The following KCNH2 variants were observed in gnomAD, a reference collection of about 807,000 sequenced individuals.
The protein encoded by KCNH2 is potassium voltage-gated channel subfamily H member 2.
KCNH2 carries 35 observed loss-of-function variants against 95.9 expected under a neutral mutation model. The ratio of observed to expected loss-of-function variants is 0.37; its 90% CI spans 0.28 to 0.48. The LOEUF is 0.48. KCNH2 is among the 20% of genes least tolerant of loss of function. KCNH2 has a pLI of 0.99. For synonymous variants in KCNH2, 786 were observed against 754.7 expected (o/e 1.04, Z -0.68); for missense variants, 1,274 against 1,702.9 (o/e 0.75, Z 4.43).
chr7:150,955,780 C>T (rs892889679), intron 5 of KCNH2: 45 of 1,201,816 alleles, frequency 3.7e-5, no homozygotes, highest in Non-Finnish European at 4.0e-5. Context: ...TCTGCCCGCC[C>T]GCCAGCCCAG....
Position 150,960,494 on chromosome 7 carries a change from A to G in KCNH2, c.308-758T>C, listed in dbSNP as rs188374708. ...TACTATCTGTCTCTCTGTTCTCTCT[A>G]GATTAGCACCAGCCGTTGTGTCAGC... On this transcript the variant is annotated intron_variant, in intron 2 of 14. Coordinates refer to ENST00000262186, the MANE Select transcript of KCNH2 (RefSeq NM_000238.4). Among the ~76,000 whole-genome samples, 23 of 152,314 alleles carry G rather than the reference A, an allele frequency of 1.5e-4. 1 individual carries two copies. The East Asian group carries it at 4.1e-3, about 27-fold the overall frequency.
At chr7:150,950,468 C>G in intron 8 of KCNH2, 48 bp from the exon 9 acceptor site, 1 of 1,600,296 alleles carries the variant, frequency 6.2e-7, no homozygotes. Flanking sequence ...TTGGGACCCC[C>G]CAACCCACAC....
chr7:150,969,098 AG>A lies in KCNH2; in HGVS notation c.307+5612del, dbSNP rs1428273877. On this transcript the variant is annotated intron_variant, in intron 2 of 14. Coordinates refer to ENST00000262186, the MANE Select transcript of KCNH2 (RefSeq NM_000238.4). ...GGCCCTGAGCCCATCATGCCCCAGAAGGGCTCTCTGGGGGCAAGAGAGCTGG... is the reference window on the plus strand; with the variant it reads ...GGCCCTGAGCCCATCATGCCCCAGAAGGCTCTCTGGGGGCAAGAGAGCTGG... Among the ~76,000 whole-genome samples the A allele has an allele frequency of 3.9e-5, 6 of 152,134 alleles. No homozygotes were observed. In the East Asian group the frequency reaches 1.2e-3, roughly 29 times the overall value.
rs748706373 is a variant in KCNH2 at position 150,947,610 on chromosome 7, CAG to C, written c.2959_2960del (p.Leu987ValfsTer131). On this transcript the variant is annotated frameshift_variant, in exon 12 of 15. Coordinates refer to ENST00000262186, the MANE Select transcript of KCNH2 (RefSeq NM_000238.4). LOFTEE classifies it high-confidence loss of function. ...CEKSSDTCNP[L>X]SGAFSGVSNI... ...CCCGCCCGTCGCCCGGGATACCTGA[CAG>C]GGGGTTGCAAGTGTCGCTGCTCTTC... The C allele has an allele frequency of 6.2e-7, 1 of 1,612,780 alleles. No homozygotes were observed. Among genetic ancestry groups the C allele is most frequent in the Non-Finnish European group, 8.5e-7 (1 of 1,179,548 alleles).
chr7:150,953,247 A>G (rs1264307866), intron 5 of KCNH2, among the ~76,000 whole-genome samples: 3 of 152,184 alleles, frequency 2.0e-5, no homozygotes, highest in Non-Finnish European at 4.4e-5. Context: ...TCCAAGGACA[A>G]CAGCTCCCAA....
At chr7:150,965,570 C>A (rs2117032700) in intron 2 of KCNH2, among the ~76,000 whole-genome samples, 1 of 152,296 alleles carries the variant, frequency 6.6e-6, no homozygotes, top group Non-Finnish European at 1.5e-5. Context: ...TTCCCTCCTG[C>A]TCCCCATGGC....
chr7:150,950,436 G>A lies in KCNH2; in HGVS notation c.2146-16C>T, dbSNP rs375568514. On this transcript the variant is annotated splice_polypyrimidine_tract_variant and intron_variant, in intron 8 of 14. Transcript: ENST00000262186. ...CCTTCAGCACCTGGGGGCAGGGTGG[G>A]GGCAGCTCAGCACACCCTCCCTTGG... The A allele has an allele frequency of 3.6e-5, 58 of 1,609,982 alleles. No individual in the cohort carries two copies. Among genetic ancestry groups the A allele is most frequent in the Non-Finnish European group, 4.7e-5 (56 of 1,179,864 alleles).
chr7:150,947,833 G>T lies in KCNH2; in HGVS notation c.2738C>A (p.Ala913Glu). ...GEVSALGPGR[A>E]GAGPSSRGRP... ...GCCCCGGCTACTCGGCCCTGCCCCC[G>T]CCCGGCCCGGCCCCAAGGCCGACAC... Residue 913 changes from alanine to glutamate, a missense_variant, in exon 12 of 15, where the codon GCG (alanine) becomes GAG (glutamate). This residue lies in a region of KCNH2 where 457 missense variants were observed against 416.1 expected (regional missense o/e 1.10). Coordinates refer to ENST00000262186, the MANE Select transcript of KCNH2 (RefSeq NM_000238.4). 4 of 1,524,304 alleles carry T rather than the reference G, an allele frequency of 2.6e-6. No homozygotes were observed. The highest frequency in any genetic ancestry group is 3.5e-6 in the Non-Finnish European group (4 of 1,141,716). 94.4% of individuals were successfully genotyped at this position (1,524,304 alleles called of 1,614,324 possible). A position where few individuals can be genotyped will look rare whatever the true frequency, so the allele number is the denominator to read the frequency against.
intron 2 of KCNH2, among the ~76,000 whole-genome samples, chr7:150,969,156 G>A (rs1312402089): frequency 1.3e-5 from 2 of 152,206 alleles, no homozygotes; most frequent in Non-Finnish European, 2.9e-5. Context: ...GCAGGGAGGG[G>A]ACAGCTAGGC....
Position 150,974,868 on chromosome 7 carries a change from C to T in KCNH2, c.150G>A (p.Glu50=). 1 of 1,611,894 alleles carries T rather than the reference C, an allele frequency of 6.2e-7. No individual in the cohort carries two copies. Among genetic ancestry groups the T allele is most frequent in the Non-Finnish European group, 8.5e-7 (1 of 1,179,248 alleles). Residue 50 remains glutamate (E), a synonymous_variant, in exon 2 of 15, where the codon GAG becomes GAA. Transcript: ENST00000262186. ...AVIYCNDGFC[E]LCGYSRAEVM... ...CCTCGGCCCGCGAGTAGCCGCACAG[C>T]TCGCAGAAGCCGTCGTTGCAGTAGA...
intron 2 of KCNH2, among the ~76,000 whole-genome samples, chr7:150,970,050 G>A (rs971089919): frequency 3.9e-5 from 6 of 151,916 alleles, no homozygotes; most frequent in Non-Finnish European, 8.8e-5. Flanking sequence ...CACACTAAAG[G>A]GCTAAATACT....
At chr7:150,956,642 G>A (rs959759142) in intron 5 of KCNH2, among the ~76,000 whole-genome samples, 1 of 152,164 alleles carries the variant, frequency 6.6e-6, no homozygotes, top group African/African-American at 2.4e-5. Flanking sequence ...CAAGGCTGAG[G>A]GGTCTTCTCT....
chr7:150,945,132 C>T lies in KCNH2; in HGVS notation c.*233G>A. The T allele has an allele frequency of 1.7e-6, 1 of 573,570 alleles. No homozygotes were observed. The highest frequency in any genetic ancestry group is 3.1e-6 in the Non-Finnish European group (1 of 325,850). The allele number at this position is 573,570 out of a possible 1,614,324, so 35.5% of individuals were successfully genotyped here. A position where few individuals can be genotyped will look rare whatever the true frequency, so the allele number is the denominator to read the frequency against. On this transcript the variant is annotated 3_prime_UTR_variant, in exon 15 of 15. Coordinates refer to ENST00000262186, the MANE Select transcript of KCNH2 (RefSeq NM_000238.4). The surrounding 1 kb of genome is among the most constrained non-coding windows in gnomAD (Gnocchi z 5.6). ...GGGCAGTTAGACCAGCTAATGCCCTCAGGGCAGTGGGGGGACCACAGGCCC... is the reference window on the plus strand; with the variant it reads ...GGGCAGTTAGACCAGCTAATGCCCTTAGGGCAGTGGGGGGACCACAGGCCC...
intron 2 of KCNH2, among the ~76,000 whole-genome samples, chr7:150,967,228 G>A (rs1361860834): frequency 5.3e-5 from 8 of 152,110 alleles, no homozygotes; most frequent in African/African-American, 1.9e-4. Flanking sequence ...GCAGTGAGCC[G>A]AGATCATGCC....
Position 150,951,557 on chromosome 7 carries a change from C to G in KCNH2, c.1836G>C (p.Val612=), listed in dbSNP as rs1554425781. 1.2e-6 allele frequency: 2 copies of G among 1,614,240 alleles called. No homozygotes were observed. Among genetic ancestry groups the G allele is most frequent in the East Asian group, 2.2e-5 (1 of 44,874 alleles). The part of the protein sequence containing the change: ...LGGPSIKDKY[V]TALYFTFSSL... ...TGCTGAAGGTGAAGTAGAGCGCCGT[C>G]ACATACTTGTCCTTGATGGAGGGGC... The change falls in exon 7 of 15, where the codon GTG becomes GTC. Residue 612 remains valine, a synonymous_variant. Transcript: ENST00000262186.
chr7:150,948,023 C>G, intron 11 of KCNH2, 145 bp from the exon 12 acceptor site: 1 of 1,024,328 alleles, frequency 9.8e-7, no homozygotes, highest in Non-Finnish European at 1.4e-6. Context: ...TGCTATCTTG[C>G]ACCCACTGTC....
At chr7:150,948,644 GC>G in intron 10 of KCNH2, 101 bp from the exon 11 acceptor site, 1 of 1,228,470 alleles carries the variant, frequency 8.1e-7, no homozygotes, top group Non-Finnish European at 1.2e-6. Context: ...AGGGCTGGGC[GC>G]CCCAGCTCTG....
In KCNH2 at chr7:150,946,212, C is replaced by T. The variant is rs548026149; in HGVS notation, c.3330+665G>A. Among the ~76,000 whole-genome samples the T allele has an allele frequency of 2.5e-3, 378 of 150,410 alleles. 4 individuals carry two copies. The South Asian group carries it at 0.034, about 13-fold the overall frequency. On this transcript the variant is annotated intron_variant, in intron 14 of 14. Coordinates refer to ENST00000262186, the MANE Select transcript of KCNH2 (RefSeq NM_000238.4). This position sits in a 1 kb window ranked among gnomAD's most constrained non-coding sequence, Gnocchi z 6.5. ...CCATGGACGCGGAGGTTGACACAGA[C>T]ACCGCCATCCTGCAGAGGCCAGGAA...
Position 150,977,790 on chromosome 7 carries a change from GGCCCGCCCCCAGAGCCCCCTCCCCGCTCA to G in KCNH2, c.76+19_76+47del. 8.5e-7 allele frequency: 1 copy of G among 1,181,856 alleles called. No homozygotes were observed. Among genetic ancestry groups the G allele is most frequent in the Non-Finnish European group, 1.2e-6 (1 of 841,546 alleles). 73.2% of individuals were successfully genotyped at this position (1,181,856 alleles called of 1,614,324 possible). On this transcript the variant is annotated intron_variant, in intron 1 of 14. Coordinates refer to ENST00000262186, the MANE Select transcript of KCNH2 (RefSeq NM_000238.4). Reference sequence around the variant, plus strand: ...CCCCCATCCACACTCGGAAGAGCTCGGCCCGCCCCCAGAGCCCCCTCCCCGCTCAGCCCCCTCCCCCACTCACTCTGGCC... The same window carrying G: ...CCCCCATCCACACTCGGAAGAGCTCGGCCCCCTCCCCCACTCACTCTGGCC...
Sources: gnomAD v4.1 joint callset for allele counts (sites outside exome capture counted in the v4.1 genomes callset) on GRCh38, gnomAD v4.1.1 for gene constraint, gnomAD v4.1.1 regional missense constraint, Gnocchi (gnomAD v3.1) non-coding constraint, MANE v1.5 for transcripts, NCBI Gene and HGNC (gene_info 2026-07-23, HGNC 2026-07-21) for gene names.